Variants in C12orf42 observed in about 807,000 individuals in gnomAD.
The protein encoded by C12orf42 is chromosome 12 open reading frame 42.
C12orf42 carries 25 observed loss-of-function variants against 21.6 expected under a neutral mutation model. That is an observed-to-expected ratio of 1.16 (90% CI 0.84 to 1.62). The LOEUF (loss-of-function observed/expected upper bound fraction) is 1.62, where lower values mean the gene tolerates loss of function less well. Among genes scored for constraint, C12orf42 ranks in the 40% most tolerant of loss-of-function variants. The pLI, the probability that C12orf42 is intolerant of heterozygous loss-of-function variation, is 0.00. For missense variants in C12orf42, 483 were observed against 459.3 expected (o/e 1.05, Z -0.47); for synonymous variants, 174 against 175.0 (o/e 0.99, Z 0.05).
the C12orf42 span, chr12:103,081,072 T>G: frequency 2.0e-5 from 3 of 152,318 alleles, no homozygotes; most frequent in African/African-American, 7.2e-5. Flanking sequence ...GACTTCCCAC[T>G]TGGTAAATGC....
the C12orf42 span, among the ~76,000 whole-genome samples, chr12:103,067,536 T>A: frequency 6.6e-6 from 1 of 152,300 alleles, no homozygotes; most frequent in Admixed American, 6.5e-5. Context: ...TATATGGTAC[T>A]TTCTGTTTCT....
intron 2 of C12orf42, among the ~76,000 whole-genome samples, chr12:103,468,021 A>G (rs1312406360): frequency 6.6e-6 from 1 of 152,250 alleles, no homozygotes; most frequent in Non-Finnish European, 1.5e-5. Flanking sequence ...CAGAATGGAA[A>G]CAATTTGTAC....
the C12orf42 span, among the ~76,000 whole-genome samples, chr12:103,107,854 G>C: frequency 6.6e-6 from 1 of 151,030 alleles, no homozygotes; most frequent in Non-Finnish European, 1.5e-5. Context: ...AAAAAAAAGA[G>C]AGAAGAAAGA....
At chr12:103,130,099 AC>A in the C12orf42 span, among the ~76,000 whole-genome samples, 1 of 151,870 alleles carries the variant, frequency 6.6e-6, no homozygotes, top group African/African-American at 2.4e-5. Flanking sequence ...TATAATTGCT[AC>A]CCCCAGATGC....
chr12:103,232,582 G>A, the C12orf42 span, among the ~76,000 whole-genome samples: 12 of 151,962 alleles, frequency 7.9e-5, no homozygotes, highest in Non-Finnish European at 1.5e-5. Flanking sequence ...GTGGTGGCAG[G>A]CGCCTGTAGT....
chr12:103,238,907 A>G (rs1259834103), intron 10 of C12orf42, among the ~76,000 whole-genome samples: 1 of 152,160 alleles, frequency 6.6e-6, no homozygotes. Flanking sequence ...AAGGAATCCT[A>G]GTTAAGGGAT....
At chr12:103,083,080 T>C in the C12orf42 span, among the ~76,000 whole-genome samples, 7 of 152,240 alleles carry the variant, frequency 4.6e-5, no homozygotes, top group African/African-American at 1.7e-4. Flanking sequence ...GTAAAAAATA[T>C]ATGACTGGGC....
In C12orf42 at chr12:103,365,680, T is replaced by C. The variant is rs185282192; in HGVS notation, c.259+3207A>G. Among the ~76,000 whole-genome samples the C allele has an allele frequency of 3.3e-3, 504 of 152,026 alleles. 3 individuals are homozygous for C. Among genetic ancestry groups the C allele is most frequent in the African/African-American group, 0.011 (477 of 41,516 alleles). On this transcript the variant is annotated intron_variant, in intron 4 of 5. Transcript: ENST00000548883. ...AATTAGTAGCTCTGCTAAACACCAA[T>C]AGTGACCAAGCTAAGAATCAAATAA...
chr12:103,099,401 G>A, the C12orf42 span, among the ~76,000 whole-genome samples: 1 of 152,168 alleles, frequency 6.6e-6, no homozygotes, highest in South Asian at 2.1e-4. Context: ...GGATACAGAT[G>A]CACAAACCAA....
At chr12:103,091,357 G>A in the C12orf42 span, among the ~76,000 whole-genome samples, 1 of 150,642 alleles carries the variant, frequency 6.6e-6, no homozygotes, top group African/African-American at 2.5e-5. Context: ...TTACTCCTCT[G>A]TGAAGTTTTT....
intron 2 of C12orf42, among the ~76,000 whole-genome samples, chr12:103,422,390 A>G (rs2049986196): frequency 6.6e-6 from 1 of 152,180 alleles, no homozygotes. Context: ...TCTTTTTCAC[A>G]AGGTAACGAC....
intron 2 of C12orf42, among the ~76,000 whole-genome samples, chr12:103,446,423 T>G (rs964441364): frequency 1.3e-5 from 2 of 151,910 alleles, no homozygotes; most frequent in Non-Finnish European, 2.9e-5. Flanking sequence ...AGCATAAATC[T>G]CACAGGACCT....
chr12:103,106,038 C>T, the C12orf42 span, among the ~76,000 whole-genome samples: 6 of 152,176 alleles, frequency 3.9e-5, no homozygotes, highest in East Asian at 5.8e-4. Context: ...GTACCAAGCA[C>T]GCTGAAAACG....
intron 2 of C12orf42, among the ~76,000 whole-genome samples, chr12:103,416,033 G>GTT (rs1165415665): frequency 1.3e-4 from 7 of 53,488 alleles, no homozygotes; most frequent in South Asian, 4.5e-4. Flanking sequence ...TTGTTTAGTG[G>GTT]GTTTTTTTTT....
chr12:103,345,363 G>A (rs574210479), intron 4 of C12orf42, among the ~76,000 whole-genome samples: 1 of 152,332 alleles, frequency 6.6e-6, no homozygotes, highest in South Asian at 2.1e-4. Flanking sequence ...ACTTAGAAGA[G>A]TGCCTGGTGT....
chr12:103,278,886 C>A (rs2136297584), intron 4 of C12orf42, among the ~76,000 whole-genome samples: 1 of 152,272 alleles, frequency 6.6e-6, no homozygotes, highest in South Asian at 2.1e-4. Flanking sequence ...CCACATTTTC[C>A]CCTCCTGAAT....
Position 103,351,042 on chromosome 12 carries a change from T to C in C12orf42, c.259+17845A>G, listed in dbSNP as rs561206887. On this transcript the variant is annotated intron_variant, in intron 4 of 5. Transcript: ENST00000548883. ...TTATAGTCCCTTTCACAATCTGTAATTGCGTTGTTTGTATATTTTAATGGT... is the reference window on the plus strand; with the variant it reads ...TTATAGTCCCTTTCACAATCTGTAACTGCGTTGTTTGTATATTTTAATGGT... Among the ~76,000 whole-genome samples the C allele has an allele frequency of 2.0e-5, 3 of 152,256 alleles. No individual in the cohort carries two copies. The South Asian group carries it at 6.2e-4, about 32-fold the overall frequency.
intron 4 of C12orf42, among the ~76,000 whole-genome samples, chr12:103,294,023 C>T (rs922363213): frequency 6.6e-6 from 1 of 152,060 alleles, no homozygotes; most frequent in South Asian, 2.1e-4. Flanking sequence ...AGCAGATGTT[C>T]AGTAAATATT....
chr12:103,124,451 TG>T, the C12orf42 span, among the ~76,000 whole-genome samples: 1 of 152,094 alleles, frequency 6.6e-6, no homozygotes, highest in African/African-American at 2.4e-5. Flanking sequence ...AGAACCTGGA[TG>T]GGTTGTTTAT....
Sources: allele counts gnomAD v4.1 joint callset (sites outside exome capture counted in the v4.1 genomes callset), GRCh38; gene constraint gnomAD v4.1.1; transcripts MANE v1.5; gene names NCBI Gene and HGNC (gene_info 2026-07-23, HGNC 2026-07-21).